Variants in AOAH observed in about 807,000 individuals in gnomAD.
AOAH encodes the protein acyloxyacyl hydrolase.
AOAH carries 64 observed loss-of-function variants against 92.2 expected under a neutral mutation model. The ratio of observed to expected loss-of-function variants is 0.69; its 90% CI spans 0.57 to 0.86. AOAH has a LOEUF of 0.86. Among genes scored for constraint, AOAH ranks in the 40% least tolerant of loss-of-function variants. AOAH has a pLI of 0.00. For synonymous variants in AOAH, 263 were observed against 254.5 expected (o/e 1.03, Z -0.32); for missense variants, 656 against 694.6 (o/e 0.94, Z 0.62).
At chr7:36,630,935 T>A (rs1793029724) in intron 6 of AOAH, among the ~76,000 whole-genome samples, 1 of 152,216 alleles carries the variant, frequency 6.6e-6, no homozygotes, top group African/African-American at 2.4e-5. Flanking sequence ...TAATAACCCT[T>A]ACCTCATTTT....
chr7:36,641,899 C>T (rs1476576086), intron 4 of AOAH, among the ~76,000 whole-genome samples: 1 of 152,124 alleles, frequency 6.6e-6, no homozygotes, highest in East Asian at 1.9e-4. Context: ...AGTCCTTGAT[C>T]ATCAGAGCAC....
chr7:36,637,818 A>T (rs1793625575), intron 5 of AOAH, 33 bp downstream of exon 5: 4 of 1,605,622 alleles, frequency 2.5e-6, no homozygotes, highest in Non-Finnish European at 3.4e-6. Context: ...CATGCCAAGG[A>T]AAAGGCTGGC....
At chr7:36,609,953 C>T (rs1222690128) in intron 11 of AOAH, among the ~76,000 whole-genome samples, 1 of 151,862 alleles carries the variant, frequency 6.6e-6, no homozygotes, top group Non-Finnish European at 1.5e-5. Context: ...TTTACACTTG[C>T]CACAAGCACG....
At chr7:36,586,288 A>C (rs1789317119) in intron 12 of AOAH, among the ~76,000 whole-genome samples, 1 of 152,042 alleles carries the variant, frequency 6.6e-6, no homozygotes, top group Non-Finnish European at 1.5e-5. Context: ...TGATGTCATC[A>C]CCTCCTGAAC....
rs1171034696 is a variant in AOAH, at chr7:36,516,134, T to TACACCACACACATCTCACACACAC, written c.1600-2778_1600-2755dup. On this transcript the variant is annotated intron_variant, in intron 20 of 20. Coordinates refer to ENST00000617537, the MANE Select transcript of AOAH (RefSeq NM_001637.4). This position sits in a 1 kb window ranked among gnomAD's most constrained non-coding sequence, Gnocchi z 5.0. ...ACATCACACACACACCACACACAGA[T>TACACCACACACATCTCACACACAC]ACACCACACACATCTCACACACACA... Among the ~76,000 whole-genome samples the TACACCACACACATCTCACACACAC allele has an allele frequency of 8.3e-6, 1 of 120,644 alleles. No individual in the cohort carries two copies. The highest frequency in any genetic ancestry group is 3.2e-5 in the African/African-American group (1 of 31,006). 79.1% of individuals were successfully genotyped at this position (120,644 alleles called of 152,430 possible).
chr7:36,717,892 T>A (rs775393835), intron 1 of AOAH, among the ~76,000 whole-genome samples: 154 of 151,928 alleles, frequency 1.0e-3, no homozygotes, highest in Non-Finnish European at 2.1e-3. Flanking sequence ...ACAACAACAA[T>A]TTTAAAATAT....
chr7:36,570,399 T>C (rs1004556732), intron 13 of AOAH, among the ~76,000 whole-genome samples: 1 of 152,250 alleles, frequency 6.6e-6, no homozygotes, highest in East Asian at 1.9e-4. Context: ...CCACATTTTC[T>C]TGATCCATTA....
chr7:36,699,143 T>A (rs1797887181), intron 1 of AOAH, among the ~76,000 whole-genome samples: 1 of 152,158 alleles, frequency 6.6e-6, no homozygotes, highest in South Asian at 2.1e-4. Flanking sequence ...GCTTTCATTC[T>A]TTATTGCGGT....
chr7:36,685,447 A>G (rs1166138991), intron 2 of AOAH, among the ~76,000 whole-genome samples: 2 of 152,148 alleles, frequency 1.3e-5, no homozygotes, highest in African/African-American at 2.4e-5. Flanking sequence ...GACCCAGGCT[A>G]TGTTTCCTAG....
chr7:36,530,847 G>T (rs1427449903), intron 18 of AOAH, among the ~76,000 whole-genome samples: 1 of 152,190 alleles, frequency 6.6e-6, no homozygotes, highest in Non-Finnish European at 1.5e-5. Flanking sequence ...AACCTTTCTA[G>T]AGAGCAATTT....
At chr7:36,520,058 TGTGAACAA>T (rs1314432059) in intron 20 of AOAH, among the ~76,000 whole-genome samples, 1 of 152,220 alleles carries the variant, frequency 6.6e-6, no homozygotes, top group African/African-American at 2.4e-5. Context: ...GCTACCAGCA[TGTGAACAA>T]GTCTTGCAGG....
intron 1 of AOAH, among the ~76,000 whole-genome samples, chr7:36,713,120 A>C (rs1225740114): frequency 1.3e-5 from 2 of 152,232 alleles, no homozygotes; most frequent in African/African-American, 4.8e-5. Context: ...GCTCAAAATA[A>C]AGGGATGGAG....
chr7:36,681,768 C>A (rs1465000895), intron 2 of AOAH, among the ~76,000 whole-genome samples: 1 of 151,942 alleles, frequency 6.6e-6, no homozygotes, highest in African/African-American at 2.4e-5. Context: ...GCCACTGCAC[C>A]TCAGCCTGGG....
At chr7:36,639,525 T>C (rs905607351) in intron 4 of AOAH, among the ~76,000 whole-genome samples, 3 of 152,214 alleles carry the variant, frequency 2.0e-5, no homozygotes, top group African/African-American at 7.2e-5. Flanking sequence ...TACGATATTA[T>C]GTTAAACGAG....
At chr7:36,675,107 T>G (rs1796165133) in intron 2 of AOAH, among the ~76,000 whole-genome samples, 1 of 152,036 alleles carries the variant, frequency 6.6e-6, no homozygotes, top group Non-Finnish European at 1.5e-5. Context: ...ACACAAAAAA[T>G]TAGCTGGGTG....
At chr7:36,670,270 T>C (rs1278858821) in intron 3 of AOAH, among the ~76,000 whole-genome samples, 2 of 152,138 alleles carry the variant, frequency 1.3e-5, no homozygotes, top group Admixed American at 6.5e-5. Flanking sequence ...TCTCCATCAA[T>C]CTCGAGCTGT....
At chr7:36,659,881 T>C (rs938235394) in intron 3 of AOAH, among the ~76,000 whole-genome samples, 6 of 151,630 alleles carry the variant, frequency 4.0e-5, no homozygotes, top group African/African-American at 1.5e-4. Context: ...CCAAGAAGTC[T>C]GGAGCAGCCA....
At position 36,549,456 on chromosome 7, in the gene AOAH, C is replaced by A. The variant is rs564896421; in HGVS notation, c.1041G>T (p.Leu347=). Residue 347 remains leucine (L), a synonymous_variant, in exon 14 of 21, where the codon CTG becomes CTT. Transcript: ENST00000617537. ...ISRNGASSRN[L]KKFIESLSRN... ...CTGCTTACCTTTCTATAAATTTCTTCAGGTTTCGGGAAGATGCACCTGAAT... is the reference window on the plus strand; with the variant it reads ...CTGCTTACCTTTCTATAAATTTCTTAAGGTTTCGGGAAGATGCACCTGAAT... 1 of 1,597,122 alleles carries A rather than the reference C, an allele frequency of 6.3e-7. No homozygotes were observed. Among genetic ancestry groups the A allele is most frequent in the South Asian group, 1.1e-5 (1 of 89,150 alleles).
At chr7:36,528,307 T>C (rs1479633636) in intron 19 of AOAH, among the ~76,000 whole-genome samples, 2 of 152,260 alleles carry the variant, frequency 1.3e-5, no homozygotes, top group Non-Finnish European at 2.9e-5. Flanking sequence ...GAATGTTCAG[T>C]TCAGCTTAAT....
Sources: gnomAD v4.1 joint callset for allele counts (sites outside exome capture counted in the v4.1 genomes callset) on GRCh38, gnomAD v4.1.1 for gene constraint, Gnocchi (gnomAD v3.1) non-coding constraint, MANE v1.5 for transcripts, NCBI Gene and HGNC (gene_info 2026-07-23, HGNC 2026-07-21) for gene names.